The following GALNT16 variants were observed in gnomAD, a reference collection of about 807,000 sequenced individuals.
GALNT16 encodes polypeptide N-acetylgalactosaminyltransferase 16, also known as UDP-GalNAc:polypeptide N-acetylgalactosaminyltransferase-like protein 1.
GALNT16 carries 40 observed loss-of-function variants against 76.1 expected under a neutral mutation model. The observed-to-expected ratio is 0.53, with a 90% CI of 0.41 to 0.68. The LOEUF is 0.68. Ranked by LOEUF, GALNT16 falls within the 30% of genes least tolerant of loss-of-function variation. The probability of loss-of-function intolerance (pLI) is 0.00; values close to 1 mark genes in which losing one functional copy is unlikely to be tolerated. For synonymous variants in GALNT16, 276 were observed against 285.2 expected (o/e 0.97, Z 0.32); for missense variants, 621 against 731.9 (o/e 0.85, Z 1.75).
chr14:69,339,715 C>A, intron 11 of GALNT16, 96 bp downstream of exon 11: 2 of 705,342 alleles, frequency 2.8e-6, no homozygotes, highest in South Asian at 3.7e-5. Flanking sequence ...GAACCACCCG[C>A]CACCTCCCCA....
chr14:69,370,396 G>A, the GALNT16 span, among the ~76,000 whole-genome samples: 1 of 152,208 alleles, frequency 6.6e-6, no homozygotes, highest in Non-Finnish European at 1.5e-5. Flanking sequence ...CAGGTGGAGT[G>A]GAGCAGTGAA....
At chr14:69,322,999 C>T (rs772774305) in intron 2 of GALNT16, among the ~76,000 whole-genome samples, 4 of 37,092 alleles carry the variant, frequency 1.1e-4, no homozygotes, top group African/African-American at 5.4e-4. Context: ...CACGCGCGCA[C>T]GCATGCACAC....
chr14:69,317,790 G>A (rs112186765), intron 1 of GALNT16, among the ~76,000 whole-genome samples: 295 of 152,304 alleles, frequency 1.9e-3, no homozygotes, highest in Middle Eastern at 0.01. Flanking sequence ...AGGGGCACCC[G>A]TGGGACATTC....
At position 69,339,991 on chromosome 14, in the gene GALNT16, A is replaced by G. The variant is rs141491394; in HGVS notation, c.1187+372A>G. ...CTGTTAGCCTATTTTCCTGTCATGGACTGTTAGGACTATGGTCTAGTTAAG... is the reference window on the plus strand; with the variant it reads ...CTGTTAGCCTATTTTCCTGTCATGGGCTGTTAGGACTATGGTCTAGTTAAG... On this transcript the variant is annotated intron_variant, in intron 11 of 14. Transcript: ENST00000448469. Among the ~76,000 whole-genome samples, 759 of 152,322 alleles carry G rather than the reference A, an allele frequency of 5.0e-3. 7 individuals carry two copies. The highest frequency in any genetic ancestry group is 0.017 in the African/African-American group (705 of 41,562).
intron 11 of GALNT16, among the ~76,000 whole-genome samples, chr14:69,340,093 T>C (rs1566887357): frequency 2.0e-5 from 3 of 152,106 alleles, no homozygotes; most frequent in African/African-American, 7.2e-5. Context: ...GAGAGAGAAG[T>C]AGAACCCTAT....
At chr14:69,359,225 C>T (rs1009201423), downstream of GALNT16, 1 of 152,214 alleles carries the variant, frequency 6.6e-6, no homozygotes, top group Non-Finnish European at 1.5e-5. Flanking sequence ...TTCATACCTC[C>T]CACTGCTACA....
chr14:69,356,559 T>TC (rs745666690), downstream of GALNT16: 8 of 72,338 alleles, frequency 1.1e-4, 1 homozygote, highest in Non-Finnish European at 1.7e-4. Context: ...GAGCTCTTTT[T>TC]TTTTTTTTTT....
At chr14:69,336,405 C>A (rs1566885892) in intron 9 of GALNT16, among the ~76,000 whole-genome samples, 3 of 152,256 alleles carry the variant, frequency 2.0e-5, no homozygotes. Flanking sequence ...AGCCACCGCC[C>A]CCAGCCAGCA....
At chr14:69,321,072 G>A (rs904927010) in intron 2 of GALNT16, among the ~76,000 whole-genome samples, 11 of 152,322 alleles carry the variant, frequency 7.2e-5, no homozygotes, top group Middle Eastern at 6.8e-3. Flanking sequence ...AAACCGCTCC[G>A]CTGGGGCCAA....
intron 2 of GALNT16, among the ~76,000 whole-genome samples, chr14:69,321,585 C>G (rs1488148954): frequency 6.6e-6 from 1 of 152,188 alleles, no homozygotes; most frequent in Non-Finnish European, 1.5e-5. Flanking sequence ...CCTGGCCTTA[C>G]CCACCTTTCC....
At chr14:69,263,174 T>C (rs185369330) in intron 1 of GALNT16, among the ~76,000 whole-genome samples, 2 of 152,246 alleles carry the variant, frequency 1.3e-5, no homozygotes, top group East Asian at 3.9e-4. Context: ...AGGAGTGAAA[T>C]AGGATTCTCA....
chr14:69,382,889 A>G, the GALNT16 span, among the ~76,000 whole-genome samples: 1 of 152,144 alleles, frequency 6.6e-6, no homozygotes, highest in African/African-American at 2.4e-5. Flanking sequence ...TAAATGTTAA[A>G]TACTTTAATA....
At chr14:69,320,927 A>G in intron 2 of GALNT16, 59 bp downstream of exon 2, 1 of 1,514,630 alleles carries the variant, frequency 6.6e-7, no homozygotes, top group Non-Finnish European at 9.1e-7. Flanking sequence ...AACATTGTTT[A>G]GTTTGTCTTC....
chr14:69,342,146 G>C lies in GALNT16; in HGVS notation c.1271+382G>C, dbSNP rs533379186. On this transcript the variant is annotated intron_variant, in intron 12 of 14. Coordinates refer to ENST00000448469, the MANE Select transcript of GALNT16 (RefSeq NM_001168368.2). ...GCTGTTGACCAGCAGATCAATAGCT[G>C]TGGTGAAAAAATGAGAAACCGCCAG... Among the ~76,000 whole-genome samples the C allele has an allele frequency of 2.0e-5, 3 of 152,180 alleles. No individual in the cohort carries two copies. In the South Asian group the frequency reaches 6.2e-4, roughly 32 times the overall value.
At chr14:69,347,637 T>G (rs968315814) in intron 13 of GALNT16, among the ~76,000 whole-genome samples, 1 of 152,200 alleles carries the variant, frequency 6.6e-6, no homozygotes, top group Non-Finnish European at 1.5e-5. Flanking sequence ...CAGCCCTGAC[T>G]GCCCTCTGGC....
intron 1 of GALNT16, among the ~76,000 whole-genome samples, chr14:69,274,468 A>G (rs1213157121): frequency 2.6e-5 from 4 of 152,150 alleles, no homozygotes; most frequent in Non-Finnish European, 5.9e-5. Context: ...AGCCAGGGCT[A>G]TTGTTATCTA....
intron 1 of GALNT16, among the ~76,000 whole-genome samples, chr14:69,285,561 T>G (rs1248150833): frequency 6.6e-6 from 1 of 152,114 alleles, no homozygotes; most frequent in Admixed American, 6.5e-5. Flanking sequence ...TTAAGAAAGA[T>G]CCTTTAATTT....
chr14:69,321,660 C>T (rs118021830), intron 2 of GALNT16, among the ~76,000 whole-genome samples: 154 of 152,310 alleles, frequency 1.0e-3, no homozygotes, highest in Non-Finnish European at 1.6e-3. Flanking sequence ...TTCACACATG[C>T]TGTTTCCTCT....
chr14:69,348,226 G>A, intron 14 of GALNT16: 2 of 599,114 alleles, frequency 3.3e-6, no homozygotes, highest in Non-Finnish European at 5.9e-6. Context: ...CTGCCAGGCT[G>A]TGAGCTCCAT....
Sources: gnomAD v4.1 joint callset for allele counts (sites outside exome capture counted in the v4.1 genomes callset) on GRCh38, gnomAD v4.1.1 for gene constraint, MANE v1.5 for transcripts, NCBI Gene and HGNC (gene_info 2026-07-23, HGNC 2026-07-21) for gene names.